Variants in PI4K2A observed in about 807,000 individuals in gnomAD.
PI4K2A encodes phosphatidylinositol 4-kinase type 2 alpha, also known as phosphatidylinositol 4-kinase type 2-alpha.
A neutral mutation model predicts 55.0 loss-of-function variants in PI4K2A; 20 were observed. The ratio of observed to expected loss-of-function variants is 0.36; its 90% CI spans 0.26 to 0.53. The LOEUF is 0.53. Among genes scored for constraint, PI4K2A ranks in the 20% least tolerant of loss-of-function variants. The probability of loss-of-function intolerance (pLI) is 0.91; values close to 1 mark genes in which losing one functional copy is unlikely to be tolerated. For missense variants in PI4K2A, 463 were observed against 637.1 expected, an observed-to-expected ratio of 0.73 and a Z score of 2.94; for synonymous variants, 235 against 258.5, an observed-to-expected ratio of 0.91 and a Z score of 0.87.
At chr10:97,650,568 C>A (rs1048701363) in intron 1 of PI4K2A, among the ~76,000 whole-genome samples, 2 of 152,172 alleles carry the variant, frequency 1.3e-5, no homozygotes, top group Non-Finnish European at 2.9e-5. Context: ...AGGCATGAAC[C>A]CTTGTACCTG....
Position 97,672,725 on chromosome 10 carries a change from CTT to C in PI4K2A, c.1279-833_1279-832del, listed in dbSNP as rs146627600. On this transcript the variant is annotated intron_variant, in intron 8 of 8. Coordinates refer to ENST00000370631, the Ensembl canonical transcript of PI4K2A. ...GAATTGCCGAGTCAGAGGGTCTGTT[CTT>C]TTTTTTTTTTTTTTTTTTTTTTGAG... is the stretch of plus-strand genomic sequence containing the variant. Among the ~76,000 whole-genome samples the C allele has an allele frequency of 3.2e-3, 266 of 83,928 alleles. 1 individual carries two copies. Among genetic ancestry groups the C allele is most frequent in the African/African-American group, 0.013 (251 of 19,338 alleles). 55.1% of individuals were successfully genotyped at this position (83,928 alleles called of 152,430 possible).
chr10:97,676,000 A>C (rs967297265), exon 9 of PI4K2A: 4 of 152,674 alleles, frequency 2.6e-5, no homozygotes, highest in African/African-American at 9.6e-5. Context: ...TAGAAATTGT[A>C]CGTAATGTAT....
chr10:97,672,936 T>C (rs2041643702), intron 8 of PI4K2A, among the ~76,000 whole-genome samples: 1 of 151,516 alleles, frequency 6.6e-6, no homozygotes, highest in Admixed American at 6.6e-5. Context: ...TTTCACCATG[T>C]TGGCCAGGTT....
chr10:97,659,464 A>G (rs987747126), intron 4 of PI4K2A, among the ~76,000 whole-genome samples: 3 of 148,670 alleles, frequency 2.0e-5, no homozygotes, highest in African/African-American at 7.4e-5. Context: ...AACAGACATA[A>G]TTTTCCCTCT....
Position 97,672,783 on chromosome 10 carries a change from G to A in PI4K2A, c.1279-798G>A, listed in dbSNP as rs190403271. On this transcript the variant is annotated intron_variant, in intron 8 of 8. Coordinates refer to ENST00000370631, the Ensembl canonical transcript of PI4K2A. ...GTCTTGCTCTGTTGCCCAGGCTGGA[G>A]TACGGTGACATGATCTCAGCTCACT... Among the ~76,000 whole-genome samples, 78 of 135,134 alleles carry A rather than the reference G, an allele frequency of 5.8e-4. 1 individual carries two copies. Among genetic ancestry groups the A allele is most frequent in the Admixed American group, 3.1e-3 (40 of 12,800 alleles). 88.7% of individuals were successfully genotyped at this position (135,134 alleles called of 152,430 possible). A position where few individuals can be genotyped will look rare whatever the true frequency, so the allele number is the denominator to read the frequency against.
chr10:97,660,270 G>A (rs1223914149), intron 4 of PI4K2A, among the ~76,000 whole-genome samples: 1 of 147,742 alleles, frequency 6.8e-6, no homozygotes, highest in Non-Finnish European at 1.5e-5. Flanking sequence ...CAAAGTGCTG[G>A]GATTACAGGC....
chr10:97,673,525 G>C (rs2041646466), intron 8 of PI4K2A, 56 bp from the exon 9 acceptor site: 2 of 1,486,570 alleles, frequency 1.3e-6, no homozygotes, highest in Admixed American at 3.4e-5. Flanking sequence ...TCCTTTCAGA[G>C]GCAGATCTGG....
chr10:97,666,690 G>A, intron 7 of PI4K2A, 119 bp downstream of exon 7: 1 of 844,240 alleles, frequency 1.2e-6, no homozygotes, highest in Non-Finnish European at 1.8e-6. Context: ...ACTTGAGTTA[G>A]CCAACGAATA....
chr10:97,653,959 A>G (rs1256901338), intron 2 of PI4K2A, among the ~76,000 whole-genome samples: 1 of 152,256 alleles, frequency 6.6e-6, no homozygotes, highest in Non-Finnish European at 1.5e-5. Context: ...GAGATGAGAC[A>G]GAACTTTGGA....
intron 6 of PI4K2A, among the ~76,000 whole-genome samples, chr10:97,665,905 T>G (rs969335349): frequency 1.3e-5 from 2 of 152,254 alleles, no homozygotes; most frequent in African/African-American, 4.8e-5. Flanking sequence ...TTTAATTTTT[T>G]AATTTGTTAT....
chr10:97,661,444 A>AT (rs2041583585), intron 4 of PI4K2A, among the ~76,000 whole-genome samples: 2 of 151,384 alleles, frequency 1.3e-5, no homozygotes, highest in Admixed American at 1.3e-4. Context: ...CAGTTGTTTC[A>AT]TAAAAAAAGA....
chr10:97,660,716 CCT>C (rs1376559615), intron 4 of PI4K2A, among the ~76,000 whole-genome samples: 1 of 149,946 alleles, frequency 6.7e-6, no homozygotes, highest in African/African-American at 2.5e-5. Context: ...TTTTTTTTAT[CCT>C]CTCAGTTTAT....
chr10:97,649,609 A>ATTTTTTTTTTTTT lies in PI4K2A; in HGVS notation c.436-1313_436-1301dup, dbSNP rs60329004. Among the ~76,000 whole-genome samples, 19 of 70,552 alleles carry ATTTTTTTTTTTTT rather than the reference A, an allele frequency of 2.7e-4. 5 individuals carry two copies. Among genetic ancestry groups the ATTTTTTTTTTTTT allele is most frequent in the South Asian group, 1.4e-3 (2 of 1,424 alleles). The allele number at this position is 70,552 out of a possible 152,430, so 46.3% of individuals were successfully genotyped here. A position where few individuals can be genotyped will look rare whatever the true frequency, so the allele number is the denominator to read the frequency against. On this transcript the variant is annotated intron_variant, in intron 1 of 8. Coordinates refer to ENST00000370631, the Ensembl canonical transcript of PI4K2A. Reference sequence around the variant, plus strand: ...TTTCCTTAACCTCATTCCATAATAGATTTTTTTTTTTTTTTTTTTTTTTTT... The same window carrying ATTTTTTTTTTTTT: ...TTTCCTTAACCTCATTCCATAATAGATTTTTTTTTTTTTTTTTTTTTTTTTTTTTTTTTTTTTT...
intron 2 of PI4K2A, among the ~76,000 whole-genome samples, chr10:97,655,318 C>T (rs1263230395): frequency 5.5e-5 from 8 of 145,062 alleles, no homozygotes; most frequent in Admixed American, 5.0e-4. Context: ...TGCAGTGAGC[C>T]GAGACTGTGC....
intron 2 of PI4K2A, among the ~76,000 whole-genome samples, chr10:97,652,881 A>G (rs2041536014): frequency 6.6e-6 from 1 of 152,240 alleles, no homozygotes. Context: ...GTAAATGAAT[A>G]TGAAATCATG....
At chr10:97,651,067 C>A in exon 2 of PI4K2A, 5 of 1,614,040 alleles carry the variant, frequency 3.1e-6, no homozygotes, top group Non-Finnish European at 4.2e-6. Context: ...TGTCCTTAAC[C>A]AGGGCTATCT....
intron 1 of PI4K2A, among the ~76,000 whole-genome samples, chr10:97,641,586 C>T (rs2135750091): frequency 6.6e-6 from 1 of 152,248 alleles, no homozygotes; most frequent in Admixed American, 6.5e-5. Flanking sequence ...CAGTGTGTCG[C>T]TGTTCACGGA....
intron 1 of PI4K2A, among the ~76,000 whole-genome samples, chr10:97,650,170 G>A (rs530649970): frequency 3.3e-5 from 5 of 151,924 alleles, no homozygotes; most frequent in East Asian, 1.9e-4. Flanking sequence ...TAGAGCCCTC[G>A]ATATGTGCAT....
chr10:97,666,930 G>T (rs914739185), intron 7 of PI4K2A, 131 bp from the exon 8 acceptor site: 2 of 689,368 alleles, frequency 2.9e-6, no homozygotes, highest in Non-Finnish European at 5.2e-6. Context: ...TCTTGTGGGA[G>T]TAGTTGACTT....
Sources: gnomAD v4.1 joint callset for allele counts (sites outside exome capture counted in the v4.1 genomes callset) on GRCh38, gnomAD v4.1.1 for gene constraint, MANE v1.5 for transcripts, NCBI Gene and HGNC (gene_info 2026-07-23, HGNC 2026-07-21) for gene names.